Variants in ANKS3 observed in about 807,000 individuals in gnomAD.
ANKS3 encodes the protein ankyrin repeat and SAM domain-containing protein 3.
ANKS3 carries 62 observed loss-of-function variants against 80.7 expected under a neutral mutation model. The ratio of observed to expected loss-of-function variants is 0.77; its 90% confidence interval spans 0.63 to 0.95. The LOEUF is 0.95. Among genes scored for constraint, ANKS3 ranks in the 40% least tolerant of loss-of-function variants. The pLI, the probability that ANKS3 is intolerant of heterozygous loss-of-function variation, is 0.00. For missense variants in ANKS3, 1,150 were observed against 883.6 expected (o/e 1.30, Z -3.82); for synonymous variants, 489 against 355.3 (o/e 1.38, Z -4.23).
rs746504268 is a variant in ANKS3, at chr16:4,699,129, C to G, written c.1332G>C (p.Gln444His). ...GGTCCACGTCCTGCTCCTCAAACAC[C>G]TGCAGGTACTTCAGACACCCGATCT... ...LEQIGCLKYLQVFEEQDVDLR... is the reference protein window; with the variant it reads ...LEQIGCLKYLHVFEEQDVDLR... Residue 444 changes from glutamine (Q) to histidine (H), a missense_variant, in exon 12 of 18, where the codon CAG (glutamine) becomes CAC (histidine). Gln to His is a conservative substitution (Grantham distance 24). Transcript: ENST00000304283. The G allele has an allele frequency of 5.6e-6, 9 of 1,614,158 alleles. No homozygotes were observed. The highest frequency in any genetic ancestry group is 2.2e-5 in the East Asian group (1 of 44,886).
At chr16:4,704,187 C>G (rs1342258047) in intron 8 of ANKS3, among the ~76,000 whole-genome samples, 1 of 152,198 alleles carries the variant, frequency 6.6e-6, no homozygotes, top group Admixed American at 6.5e-5. Flanking sequence ...AGGTGGGTCT[C>G]CAGTTCCCAA....
intron 3 of ANKS3, 56 bp from the exon 4 acceptor site, chr16:4,727,233 C>A (rs2081401739): frequency 6.3e-7 from 1 of 1,582,530 alleles, no homozygotes; most frequent in Non-Finnish European, 8.6e-7. Flanking sequence ...GTGGGGTTCA[C>A]CAAAGCTGGT....
chr16:4,709,985 T>C (rs1021158803), intron 7 of ANKS3, among the ~76,000 whole-genome samples: 9 of 152,190 alleles, frequency 5.9e-5, no homozygotes, highest in Non-Finnish European at 8.8e-5. Flanking sequence ...CACTCCAGCC[T>C]GGGTGACAAA....
At chr16:4,699,584 G>T in intron 11 of ANKS3, 1 of 216,316 alleles carries the variant, frequency 4.6e-6, no homozygotes, top group Non-Finnish European at 9.5e-6. Flanking sequence ...CACCTGTCTG[G>T]AGTTCACCGA....
At chr16:4,701,860 G>T in intron 9 of ANKS3, 1 of 509,084 alleles carries the variant, frequency 2.0e-6, no homozygotes, top group Non-Finnish European at 3.4e-6. Context: ...AAAGCCTCAG[G>T]GGCTCCCAAG....
rs796239740 is a variant in ANKS3 at position 4,697,860 on chromosome 16, G to A, written c.1810+117C>T. 1.6e-5 allele frequency: 16 copies of A among 981,600 alleles called. No homozygotes were observed. In the African/African-American group the frequency reaches 1.9e-4, roughly 11 times the overall value. 60.8% of individuals were successfully genotyped at this position (981,600 alleles called of 1,614,324 possible). A position where few individuals can be genotyped will look rare whatever the true frequency, so the allele number is the denominator to read the frequency against. The stretch of plus-strand genomic sequence containing the variant: ...GACTCTGGGATCATGTGCACACAGG[G>A]ACCTGGGAGAGTGGCTGCCGGCCGG... On this transcript the variant is annotated intron_variant, in intron 15 of 17. Transcript: ENST00000304283.
In ANKS3 at chr16:4,704,733, C is replaced by A. The variant is rs145888711; in HGVS notation, c.868+362G>T. Among the ~76,000 whole-genome samples the A allele has an allele frequency of 3.9e-3, 592 of 152,348 alleles. 3 individuals are homozygous for A. Among genetic ancestry groups the A allele is most frequent in the African/African-American group, 0.013 (560 of 41,574 alleles). ...CCCGACCCAGCTGGTATGGGCAGGG[C>A]AGGGAAGTGAACTTCACGCTTTGCC... On this transcript the variant is annotated intron_variant, in intron 8 of 17. Coordinates refer to ENST00000304283, the MANE Select transcript of ANKS3 (RefSeq NM_133450.4).
rs754962811 is a variant in ANKS3 at position 4,702,062 on chromosome 16, C to G, written c.1009+40G>C. 2.0e-6 allele frequency: 3 copies of G among 1,538,444 alleles called. No individual in the cohort carries two copies. In the South Asian group the frequency reaches 3.6e-5, roughly 19 times the overall value. On this transcript the variant is annotated intron_variant, in intron 9 of 17. Transcript: ENST00000304283. ...GATGGGCACACAGGAGCTCCAGGAC[C>G]TGCCTGAGCCACGGGCCGGATGGGT...
chr16:4,708,029 C>T (rs1442497471), intron 7 of ANKS3, among the ~76,000 whole-genome samples: 3 of 151,980 alleles, frequency 2.0e-5, no homozygotes, highest in Non-Finnish European at 2.9e-5. Context: ...GCAGGAGAGT[C>T]GCTTGAACCT....
At position 4,729,925 on chromosome 16, in the gene ANKS3, G is replaced by A. The variant is rs1018810624; in HGVS notation, c.170+55C>T. The stretch of plus-strand genomic sequence containing the variant: ...GTGCAAAGCCCCATCACGTGGGATC[G>A]AAGCCATCACTGCGCTGCTCAAAAT... On this transcript the variant is annotated intron_variant, in intron 3 of 17. Coordinates refer to ENST00000304283, the MANE Select transcript of ANKS3 (RefSeq NM_133450.4). 33 of 1,386,710 alleles carry A rather than the reference G, an allele frequency of 2.4e-5. No homozygotes were observed. In the African/African-American group the frequency reaches 2.6e-4, roughly 11 times the overall value. 85.9% of individuals were successfully genotyped at this position (1,386,710 alleles called of 1,614,324 possible).
intron 7 of ANKS3, among the ~76,000 whole-genome samples, chr16:4,706,462 C>G (rs956936528): frequency 2.6e-5 from 4 of 152,174 alleles, no homozygotes; most frequent in Admixed American, 6.5e-5. Context: ...GTCTCGATCT[C>G]CTGACCTTGT....
chr16:4,711,006 C>A (rs918791903), intron 7 of ANKS3, among the ~76,000 whole-genome samples: 1 of 151,326 alleles, frequency 6.6e-6, no homozygotes, highest in South Asian at 2.1e-4. Context: ...CCAGGCTGGT[C>A]TTGAACTCCT....
chr16:4,716,360 CAAAAAAA>C (rs1162795772), intron 6 of ANKS3, among the ~76,000 whole-genome samples: 4 of 48,828 alleles, frequency 8.2e-5, no homozygotes, highest in African/African-American at 3.3e-4. Context: ...GACTCCAACT[CAAAAAAA>C]AAAAAAAAAA....
At chr16:4,702,925 C>A (rs1208112194) in intron 8 of ANKS3, among the ~76,000 whole-genome samples, 1 of 152,144 alleles carries the variant, frequency 6.6e-6, no homozygotes, top group Non-Finnish European at 1.5e-5. Context: ...ATCGCTTGAG[C>A]TCAGGAACTG....
intron 10 of ANKS3, 95 bp from the exon 11 acceptor site, chr16:4,701,229 G>A (rs949940695): frequency 1.9e-4 from 301 of 1,562,604 alleles, no homozygotes; most frequent in Non-Finnish European, 2.5e-4. Context: ...GAGAGGCTTC[G>A]TGAAACCCCC....
intron 7 of ANKS3, among the ~76,000 whole-genome samples, chr16:4,712,253 C>T (rs925843150): frequency 6.6e-6 from 1 of 152,018 alleles, no homozygotes. Context: ...CGCCTGTGAT[C>T]CCAGCTACTC....
chr16:4,716,690 G>A (rs909813477), intron 6 of ANKS3, among the ~76,000 whole-genome samples: 12 of 152,032 alleles, frequency 7.9e-5, no homozygotes, highest in Non-Finnish European at 7.3e-5. Flanking sequence ...GACCAAGGTG[G>A]GTGGATCATA....
At chr16:4,732,984 T>C (rs1024912427) in intron 1 of ANKS3, among the ~76,000 whole-genome samples, 1 of 152,052 alleles carries the variant, frequency 6.6e-6, no homozygotes, top group East Asian at 1.9e-4. Context: ...AAGATAAATA[T>C]TGCATGTTCT....
intron 6 of ANKS3, among the ~76,000 whole-genome samples, chr16:4,723,431 T>C (rs1172081188): frequency 2.0e-5 from 3 of 152,342 alleles, no homozygotes; most frequent in South Asian, 4.1e-4. Context: ...TTTCCTTTTC[T>C]TTTTCTTTTT....
Sources: allele counts gnomAD v4.1 joint callset (sites outside exome capture counted in the v4.1 genomes callset), GRCh38; gene constraint gnomAD v4.1.1; transcripts MANE v1.5; gene names NCBI Gene and HGNC (gene_info 2026-07-23, HGNC 2026-07-21).